Variants in RNF41 observed in about 807,000 individuals in gnomAD.
The protein encoded by RNF41 is E3 ubiquitin-protein ligase NRDP1.
In RNF41, 4 loss-of-function variants were observed where a neutral mutation model predicts 33.0. That is an observed-to-expected ratio of 0.12 (90% CI 0.06 to 0.28). The LOEUF is 0.28. Ranked by LOEUF, RNF41 falls within the 10% of genes least tolerant of loss-of-function variation. RNF41 has a pLI of 1.00. For missense variants in RNF41, 228 were observed against 432.6 expected, an observed-to-expected ratio of 0.53 and a Z score of 4.19; for synonymous variants, 164 against 153.2, an observed-to-expected ratio of 1.07 and a Z score of -0.52.
intron 2 of RNF41, among the ~76,000 whole-genome samples, chr12:56,215,612 G>A (rs1339435521): frequency 1.3e-5 from 2 of 151,368 alleles, no homozygotes; most frequent in Non-Finnish European, 2.9e-5. Flanking sequence ...CCAGCTACTC[G>A]GGAGGCTGAG....
chr12:56,207,153 T>C, intron 6 of RNF41: 1 of 1,317,498 alleles, frequency 7.6e-7, no homozygotes, highest in Non-Finnish European at 9.9e-7. Context: ...CCTGTATATA[T>C]TGATTCACAC....
At position 56,206,571 on chromosome 12, in the gene RNF41, G is replaced by C; in HGVS notation, c.830C>G (p.Ala277Gly). The stretch of plus-strand genomic sequence containing the variant: ...AGCCTGCTTGCCAGGGATGCGCTTG[G>C]CCACGTAGTTCTCATAGTAGCGTCG... Reference protein sequence around the residue: ...MNRRYYENYVAKRIPGKQAVV... With the variant: ...MNRRYYENYVGKRIPGKQAVV... The change falls in exon 7 of 7, where the codon GCC becomes GGC. Residue 277 changes from alanine (A) to glycine (G), a missense_variant. By Grantham distance (60) the Ala-to-Gly change is moderately conservative (BLOSUM62 0). Transcript: ENST00000345093. This position sits in a 1 kb window ranked among gnomAD's most constrained non-coding sequence, Gnocchi z 5.7. 6.2e-7 allele frequency: 1 copy of C among 1,614,160 alleles called. No homozygotes were observed.
In RNF41 at chr12:56,221,861, G is replaced by C. The variant is rs1015610577; in HGVS notation, c.-310C>G. 6.6e-6 allele frequency: 1 copy of C among 152,480 alleles called. No individual in the cohort carries two copies. The highest frequency in any genetic ancestry group is 2.1e-4 in the South Asian group (1 of 4,834). 9.4% of individuals were successfully genotyped at this position (152,480 alleles called of 1,614,324 possible). Reference sequence around the variant, plus strand: ...GGTGCCGGGTCCCAGCCTCTCCCGGGAAGGGAAGGGAAAGGGGAAGGAGGG... The same window carrying C: ...GGTGCCGGGTCCCAGCCTCTCCCGGCAAGGGAAGGGAAAGGGGAAGGAGGG... On this transcript the variant is annotated 5_prime_UTR_variant, in exon 1 of 7. Coordinates refer to ENST00000345093, the MANE Select transcript of RNF41 (RefSeq NM_005785.4).
rs1868262126 is a variant in RNF41, at chr12:56,206,170, C to T, written c.*277G>A. The stretch of plus-strand genomic sequence containing the variant: ...TTCTGAAAATAACTGGAACCAGGGA[C>T]CCTAAGCAGGAAAATGGATGGAGGT... On this transcript the variant is annotated 3_prime_UTR_variant, in exon 7 of 7. Coordinates refer to ENST00000345093, the MANE Select transcript of RNF41 (RefSeq NM_005785.4). The surrounding 1 kb of genome is among the most constrained non-coding windows in gnomAD (Gnocchi z 5.7). The T allele has an allele frequency of 2.5e-6, 1 of 396,712 alleles. No individual in the cohort carries two copies. The highest frequency in any genetic ancestry group is 4.1e-5 in the South Asian group (1 of 24,374). The allele number at this position is 396,712 out of a possible 1,614,324, so 24.6% of individuals were successfully genotyped here. A position where few individuals can be genotyped will look rare whatever the true frequency, so the allele number is the denominator to read the frequency against.
intron 4 of RNF41, among the ~76,000 whole-genome samples, chr12:56,208,956 A>G (rs567610766): frequency 8.1e-5 from 11 of 135,304 alleles, no homozygotes; most frequent in African/African-American, 2.8e-4. Flanking sequence ...CCTCCGCCTC[A>G]TGGGTTCAAG....
intron 6 of RNF41, 32 bp downstream of exon 6, chr12:56,207,614 T>C: frequency 6.7e-7 from 1 of 1,501,314 alleles, no homozygotes; most frequent in Non-Finnish European, 9.3e-7. Flanking sequence ...TGTCAGGACA[T>C]GAAATCACTC....
chr12:56,208,385 A>G, intron 4 of RNF41, 87 bp from the exon 5 acceptor site: 1 of 1,457,576 alleles, frequency 6.9e-7, no homozygotes, highest in Non-Finnish European at 9.4e-7. Flanking sequence ...GATAACTGCT[A>G]AGTAGATTTT....
intron 3 of RNF41, among the ~76,000 whole-genome samples, chr12:56,213,329 A>G (rs1022474131): frequency 6.6e-6 from 1 of 151,960 alleles, no homozygotes; most frequent in South Asian, 2.1e-4. Flanking sequence ...CCTCCTGAGT[A>G]GCTGGGACTA....
chr12:56,218,626 C>T (rs1418292624), intron 1 of RNF41, among the ~76,000 whole-genome samples: 1 of 151,592 alleles, frequency 6.6e-6, no homozygotes, highest in East Asian at 1.9e-4. Flanking sequence ...GTTGCTTCAA[C>T]TGTCAAGTAG....
Position 56,206,180 on chromosome 12 carries a change from G to C in RNF41, c.*267C>G. On this transcript the variant is annotated 3_prime_UTR_variant, in exon 7 of 7. Transcript: ENST00000345093. The surrounding 1 kb of genome is among the most constrained non-coding windows in gnomAD (Gnocchi z 5.7). The stretch of plus-strand genomic sequence containing the variant: ...AACTGGAACCAGGGACCCTAAGCAG[G>C]AAAATGGATGGAGGTGGGGGCTTTC... The C allele has an allele frequency of 2.4e-6, 1 of 415,948 alleles. No homozygotes were observed. The highest frequency in any genetic ancestry group is 4.3e-6 in the Non-Finnish European group (1 of 232,416). The allele number at this position is 415,948 out of a possible 1,614,324, so 25.8% of individuals were successfully genotyped here.
chr12:56,215,887 C>T (rs1024993725), intron 2 of RNF41, among the ~76,000 whole-genome samples: 11 of 151,782 alleles, frequency 7.2e-5, no homozygotes, highest in African/African-American at 2.2e-4. Context: ...TTTGGGAGGC[C>T]GAGGTGGGTG....
chr12:56,220,257 C>T (rs1366071082), intron 1 of RNF41, among the ~76,000 whole-genome samples: 1 of 151,636 alleles, frequency 6.6e-6, no homozygotes, highest in East Asian at 2.0e-4. Flanking sequence ...CTCTGTTGCC[C>T]AGGTTGGAGT....
At chr12:56,212,503 C>A (rs1235330318) in intron 3 of RNF41, among the ~76,000 whole-genome samples, 1 of 152,096 alleles carries the variant, frequency 6.6e-6, no homozygotes, top group East Asian at 1.9e-4. Context: ...TACGACTCAC[C>A]TTTCCATAAG....
chr12:56,214,887 C>G (rs974857200), intron 2 of RNF41, among the ~76,000 whole-genome samples: 1 of 152,026 alleles, frequency 6.6e-6, no homozygotes, highest in East Asian at 1.9e-4. Flanking sequence ...TATAAGCACA[C>G]ATTTAAAATA....
intron 3 of RNF41, among the ~76,000 whole-genome samples, chr12:56,212,233 C>T (rs1868537038): frequency 6.6e-6 from 1 of 152,192 alleles, no homozygotes; most frequent in Non-Finnish European, 1.5e-5. Flanking sequence ...AAATAGTTAT[C>T]TGTGGGGGAA....
In RNF41 at chr12:56,210,306, T is replaced by C. The variant is rs778144429; in HGVS notation, c.353A>G (p.Gln118Arg). ...AGGGAACAAATCTCACCCACAGCCC[T>C]GTTCACAGGTCACAGGCCGCTTCGG... is the stretch of plus-strand genomic sequence containing the variant. ...HNPKRPVTCE[Q>R]GCGLEMPKDE... Residue 118 changes from glutamine (Q) to arginine (R), a missense_variant, in exon 4 of 7, where the codon CAG (glutamine) becomes CGG (arginine). This residue lies in a region of RNF41 where 199 missense variants were observed against 334.6 expected (regional missense o/e 0.59). Coordinates refer to ENST00000345093, the MANE Select transcript of RNF41 (RefSeq NM_005785.4). The C allele has an allele frequency of 3.3e-5, 54 of 1,612,828 alleles. No homozygotes were observed. The Admixed American group carries it at 8.7e-4, about 26-fold the overall frequency.
chr12:56,221,306 T>A (rs1869405462), intron 1 of RNF41, among the ~76,000 whole-genome samples: 1 of 151,990 alleles, frequency 6.6e-6, no homozygotes, highest in African/African-American at 2.4e-5. Flanking sequence ...GGGGAAGGAA[T>A]GAGAGGACAA....
At position 56,208,240 on chromosome 12, in the gene RNF41, C is replaced by G. The variant is rs1219601630; in HGVS notation, c.421G>C (p.Val141Leu). The G allele has an allele frequency of 6.2e-7, 1 of 1,614,244 alleles. No homozygotes were observed. The highest frequency in any genetic ancestry group is 8.5e-7 in the Non-Finnish European group (1 of 1,180,046). Reference sequence around the variant, plus strand: ...ATGCGTGTCTGCTGCTGCTGTACCACTGAGCGCAGGTGCTTAATGCAGTTA... The same window carrying G: ...ATGCGTGTCTGCTGCTGCTGTACCAGTGAGCGCAGGTGCTTAATGCAGTTA... ...NHNCIKHLRSVVQQQQTRIAE... is the reference protein window; with the variant it reads ...NHNCIKHLRSLVQQQQTRIAE... The change falls in exon 5 of 7, where the codon GTG (valine) becomes CTG (leucine). Residue 141 changes from valine (V) to leucine (L), a missense_variant. Physicochemically the swap from Val to Leu is conservative, Grantham distance 32. Coordinates refer to ENST00000345093, the MANE Select transcript of RNF41 (RefSeq NM_005785.4).
chr12:56,208,080 G>T, intron 5 of RNF41, 83 bp downstream of exon 5: 1 of 1,537,186 alleles, frequency 6.5e-7, no homozygotes, highest in Non-Finnish European at 9.0e-7. Flanking sequence ...TGGTCTGTGT[G>T]TTCACAACTG....
Sources: gnomAD v4.1 joint callset for allele counts (sites outside exome capture counted in the v4.1 genomes callset) on GRCh38, gnomAD v4.1.1 for gene constraint, gnomAD v4.1.1 regional missense constraint, Gnocchi (gnomAD v3.1) non-coding constraint, MANE v1.5 for transcripts, NCBI Gene and HGNC (gene_info 2026-07-23, HGNC 2026-07-21) for gene names.